PLCL2: variants seen among roughly 807,000 people sequenced by gnomAD.
The protein encoded by PLCL2 is inactive phospholipase C-like protein 2.
Under a neutral mutation model 79.6 loss-of-function variants are expected in PLCL2, and 4 were observed. That is an observed-to-expected ratio of 0.05 (90% CI 0.02 to 0.11). The LOEUF (loss-of-function observed/expected upper bound fraction) is 0.11. Ranked by LOEUF, PLCL2 falls within the 10% of genes least tolerant of loss-of-function variation. The pLI is 1.00. For synonymous variants in PLCL2, 484 were observed against 457.7 expected (o/e 1.06, Z -0.73); for missense variants, 895 against 1,291.0 (o/e 0.69, Z 4.70).
In PLCL2 at chr3:17,015,798, C is replaced by T. The variant is rs138752836; in HGVS notation, c.3018+887C>T. On this transcript the variant is annotated intron_variant, in intron 3 of 5. Coordinates refer to ENST00000615277, the MANE Select transcript of PLCL2 (RefSeq NM_001144382.2). ...GCTGTGCTCAAGGACAAAACAGGAT[C>T]GGCATCATAAACCTAAACAGAAATA... is the stretch of plus-strand genomic sequence containing the variant. Among the ~76,000 whole-genome samples, 58 of 152,226 alleles carry T rather than the reference C, an allele frequency of 3.8e-4. No individual in the cohort carries two copies. In the South Asian group the frequency reaches 3.9e-3, roughly 10 times the overall value.
chr3:17,059,057 T>G (rs1221762844), intron 4 of PLCL2, among the ~76,000 whole-genome samples: 1 of 152,158 alleles, frequency 6.6e-6, no homozygotes, highest in Non-Finnish European at 1.5e-5. Flanking sequence ...TTCCATTGTT[T>G]CAGAGATTAT....
At chr3:16,976,764 G>T (rs4685411) in intron 1 of PLCL2, among the ~76,000 whole-genome samples, 33,301 of 152,030 alleles carry the variant, frequency 0.22, 4,071 homozygotes, top group East Asian at 0.54. Context: ...GTCCTTATTT[G>T]TGGGGCTTAT....
intron 1 of PLCL2, among the ~76,000 whole-genome samples, chr3:16,898,289 G>A (rs988174938): frequency 6.6e-6 from 1 of 151,946 alleles, no homozygotes; most frequent in Non-Finnish European, 1.5e-5. Flanking sequence ...TCTTTGGGGA[G>A]AGAAAATCTA....
chr3:17,016,891 T>A (rs1172050695), intron 3 of PLCL2, among the ~76,000 whole-genome samples: 1 of 152,188 alleles, frequency 6.6e-6, no homozygotes, highest in East Asian at 1.9e-4. Flanking sequence ...AGTCATACAG[T>A]GACATTTCTT....
At chr3:16,969,016 T>A (rs2063832860) in intron 1 of PLCL2, among the ~76,000 whole-genome samples, 1 of 152,174 alleles carries the variant, frequency 6.6e-6, no homozygotes, top group African/African-American at 2.4e-5. Context: ...ATGTGGTTTT[T>A]AAGTTCTGTT....
intron 1 of PLCL2, among the ~76,000 whole-genome samples, chr3:17,007,141 G>C (rs779652831): frequency 1.3e-5 from 2 of 152,038 alleles, no homozygotes; most frequent in Non-Finnish European, 2.9e-5. Flanking sequence ...TTTATCAAAG[G>C]TAAATGCGTC....
rs1215488554 is a variant in PLCL2 at position 17,008,329 on chromosome 3, G to C, written c.328-1345G>C. Reference sequence around the variant, plus strand: ...ATGACTGATCTAGTATGAGACTTTGGAGAGAGGAATTTCTGCTGGAATTCC... The same window carrying C: ...ATGACTGATCTAGTATGAGACTTTGCAGAGAGGAATTTCTGCTGGAATTCC... On this transcript the variant is annotated intron_variant, in intron 1 of 5. Transcript: ENST00000615277. 4.7e-5 allele frequency among the ~76,000 whole-genome samples: 7 copies of C among 150,188 alleles called. No individual in the cohort carries two copies. In the East Asian group the frequency reaches 1.2e-3, roughly 25 times the overall value.
intron 1 of PLCL2, among the ~76,000 whole-genome samples, chr3:16,961,206 T>C (rs957532550): frequency 6.6e-6 from 1 of 152,240 alleles, no homozygotes; most frequent in African/African-American, 2.4e-5. Context: ...TGTATACCAC[T>C]AGCAAATGTT....
rs751587517 is a variant in PLCL2 at position 17,010,332 on chromosome 3, A to G, written c.986A>G (p.Glu329Gly). Residue 329 changes from glutamate to glycine, a missense_variant, in exon 2 of 6, where the codon GAA becomes GGA. Coordinates refer to ENST00000615277, the MANE Select transcript of PLCL2 (RefSeq NM_001144382.2). The surrounding 1 kb of genome is among the most constrained non-coding windows in gnomAD (Gnocchi z 5.8). ...KDKAGTEVTK[E>G]EFIEVFHELC... ...AAAGCTGGTACCGAGGTCACAAAGGAAGAATTTATTGAGGTTTTTCATGAG... is the reference window on the plus strand; with the variant it reads ...AAAGCTGGTACCGAGGTCACAAAGGGAGAATTTATTGAGGTTTTTCATGAG... 6.2e-6 allele frequency: 10 copies of G among 1,613,998 alleles called. No homozygotes were observed. Among genetic ancestry groups the G allele is most frequent in the African/African-American group, 1.3e-5 (1 of 74,932 alleles).
At chr3:17,069,187 G>C (rs1379428429) in intron 5 of PLCL2, among the ~76,000 whole-genome samples, 1 of 152,166 alleles carries the variant, frequency 6.6e-6, no homozygotes, top group African/African-American at 2.4e-5. Flanking sequence ...GAGGGACATG[G>C]GGGAAATGTG....
chr3:17,039,801 C>T (rs1559528423), intron 3 of PLCL2, among the ~76,000 whole-genome samples: 1 of 152,170 alleles, frequency 6.6e-6, no homozygotes, highest in Non-Finnish European at 1.5e-5. Flanking sequence ...CTATTGTGTT[C>T]TCCACCCTGA....
At chr3:16,989,003 C>A (rs1236207282) in intron 1 of PLCL2, among the ~76,000 whole-genome samples, 1 of 147,200 alleles carries the variant, frequency 6.8e-6, no homozygotes, top group Admixed American at 6.9e-5. Context: ...ATGTCTATAA[C>A]AGAGCTGTTT....
chr3:16,895,880 A>G (rs1233696454), intron 1 of PLCL2, among the ~76,000 whole-genome samples: 1 of 152,216 alleles, frequency 6.6e-6, no homozygotes, highest in Non-Finnish European at 1.5e-5. Flanking sequence ...TTATAATTAT[A>G]TAAAGTTCAA....
chr3:17,044,375 C>A (rs1559530119), intron 4 of PLCL2, among the ~76,000 whole-genome samples: 1 of 152,208 alleles, frequency 6.6e-6, no homozygotes, highest in Non-Finnish European at 1.5e-5. Flanking sequence ...CTCTGCCAAT[C>A]TGTACTTTCT....
chr3:17,006,229 C>T (rs1325460822), intron 1 of PLCL2, among the ~76,000 whole-genome samples: 1 of 152,186 alleles, frequency 6.6e-6, no homozygotes, highest in Admixed American at 6.5e-5. Context: ...TGATCACTGC[C>T]AGGCTGAACA....
At chr3:16,957,609 G>C (rs929953345) in intron 1 of PLCL2, among the ~76,000 whole-genome samples, 26 of 152,098 alleles carry the variant, frequency 1.7e-4, no homozygotes, top group African/African-American at 6.3e-4. Flanking sequence ...TCGTTGATCT[G>C]TCTAATGTTG....
intron 5 of PLCL2, among the ~76,000 whole-genome samples, chr3:17,075,314 T>G (rs1262997626): frequency 6.6e-6 from 1 of 152,136 alleles, no homozygotes; most frequent in African/African-American, 2.4e-5. Context: ...ATTTACCAAT[T>G]AAGTTTGCTG....
chr3:16,911,576 C>T (rs1696883291), intron 1 of PLCL2, among the ~76,000 whole-genome samples: 1 of 152,126 alleles, frequency 6.6e-6, no homozygotes, highest in Non-Finnish European at 1.5e-5. Flanking sequence ...TTCAGTGCCT[C>T]CTTTCCCAAT....
In PLCL2 at chr3:17,085,551, C is replaced by T. The variant is rs576604295; in HGVS notation, c.3205-4182C>T. Among the ~76,000 whole-genome samples the T allele has an allele frequency of 2.6e-4, 40 of 152,106 alleles. No homozygotes were observed. In the South Asian group the frequency reaches 3.5e-3, roughly 13 times the overall value. On this transcript the variant is annotated intron_variant, in intron 5 of 5. Coordinates refer to ENST00000615277, the MANE Select transcript of PLCL2 (RefSeq NM_001144382.2). ...CTGCAAGCTCCACCTCCTGGGTTCA[C>T]GCCATTCTCTGCCTCAGCCTCCCAA... is the stretch of plus-strand genomic sequence containing the variant.
Sources: allele counts gnomAD v4.1 joint callset (sites outside exome capture counted in the v4.1 genomes callset), GRCh38; gene constraint gnomAD v4.1.1; non-coding constraint Gnocchi (gnomAD v3.1); transcripts MANE v1.5; gene names NCBI Gene and HGNC (gene_info 2026-07-23, HGNC 2026-07-21).